The following PCDHA5 variants were observed in gnomAD, a reference collection of about 807,000 sequenced individuals.
PCDHA5 encodes the protein protocadherin alpha-5.
A neutral mutation model predicts 61.6 loss-of-function variants in PCDHA5; 43 were observed. The observed-to-expected ratio is 0.70, with a 90% CI of 0.55 to 0.90. PCDHA5 has a LOEUF of 0.90. Ranked by LOEUF, PCDHA5 falls within the 40% of genes least tolerant of loss-of-function variation. The probability of loss-of-function intolerance (pLI) is 0.00; values close to 1 mark genes in which losing one functional copy is unlikely to be tolerated. For missense variants in PCDHA5, 1,298 were observed against 1,222.7 expected, an observed-to-expected ratio of 1.06 and a Z score of -0.92; for synonymous variants, 627 against 543.9, an observed-to-expected ratio of 1.15 and a Z score of -2.13.
rs2150461572 is a variant in PCDHA5 at position 140,849,985 on chromosome 5, G to T, written c.2352+25858G>T. On this transcript the variant is annotated intron_variant, in intron 1 of 3. Transcript: ENST00000529859. Reference sequence around the variant, plus strand: ...CTGGTGTCCTACTCGCTGGTGGAGCGGCGGTTGGGCGAGCGCTCGCTGTCG... The same window carrying T: ...CTGGTGTCCTACTCGCTGGTGGAGCTGCGGTTGGGCGAGCGCTCGCTGTCG... 32 of 1,597,274 alleles carry T rather than the reference G, an allele frequency of 2.0e-5. No homozygotes were observed. In the East Asian group the frequency reaches 2.2e-4, roughly 11 times the overall value.
At chr5:140,851,193 G>GT in intron 1 of PCDHA5, 4 of 1,214,324 alleles carry the variant, frequency 3.3e-6, no homozygotes, top group Non-Finnish European at 4.2e-6. Context: ...CAATTTAGTT[G>GT]TTAGTCATTC....
At chr5:140,858,889 A>G (rs1265560651) in intron 1 of PCDHA5, 1 of 236,296 alleles carries the variant, frequency 4.2e-6, no homozygotes. Context: ...CATGTGTAGA[A>G]TATGTGTAGC....
rs868916626 is a variant in PCDHA5, at chr5:140,946,629, T to C, written c.2353-32320T>C. 3.4e-3 allele frequency among the ~76,000 whole-genome samples: 415 copies of C among 123,330 alleles called. 16 individuals carry two copies. The highest frequency in any genetic ancestry group is 0.017 in the Middle Eastern group (4 of 240). The allele number at this position is 123,330 out of a possible 152,430, so 80.9% of individuals were successfully genotyped here. On this transcript the variant is annotated intron_variant, in intron 1 of 3. Coordinates refer to ENST00000529859, the MANE Select transcript of PCDHA5 (RefSeq NM_018908.3). ...AATGTGAAATATATATATATATATATATACAATGGAATACTCATCAGCCAT... is the reference window on the plus strand; with the variant it reads ...AATGTGAAATATATATATATATATACATACAATGGAATACTCATCAGCCAT...
intron 1 of PCDHA5, among the ~76,000 whole-genome samples, chr5:140,907,844 C>T (rs1402744978): frequency 1.3e-5 from 2 of 152,218 alleles, no homozygotes; most frequent in African/African-American, 4.8e-5. Context: ...TATTAAAATC[C>T]TCCTCTGCTG....
At chr5:140,862,911 G>C (rs781861917) in intron 1 of PCDHA5, 3 of 549,326 alleles carry the variant, frequency 5.5e-6, no homozygotes. Flanking sequence ...CGCTGCTGGC[G>C]CCTTGGGTGG....
chr5:140,887,183 A>G (rs1211270850), intron 1 of PCDHA5, among the ~76,000 whole-genome samples: 2 of 147,766 alleles, frequency 1.4e-5, no homozygotes, highest in African/African-American at 5.0e-5. Flanking sequence ...TGCAAGCTCC[A>G]CCTCCCGGGT....
At chr5:140,900,712 A>G (rs1408382305) in intron 1 of PCDHA5, among the ~76,000 whole-genome samples, 2 of 152,234 alleles carry the variant, frequency 1.3e-5, no homozygotes, top group Non-Finnish European at 2.9e-5. Context: ...TTGGAAAGAA[A>G]GGAAATCCTA....
intron 1 of PCDHA5, chr5:140,871,578 G>A (rs1554165764): frequency 6.8e-7 from 1 of 1,474,340 alleles, no homozygotes; most frequent in Admixed American, 2.6e-5. Context: ...TTTTTTAAGG[G>A]AAAGTTTTAT....
chr5:140,871,272 G>A, intron 1 of PCDHA5: 2 of 1,613,942 alleles, frequency 1.2e-6, no homozygotes, highest in South Asian at 2.2e-5. Flanking sequence ...TGTGGTGGTC[G>A]GCAACGCCCA....
intron 1 of PCDHA5, among the ~76,000 whole-genome samples, chr5:140,953,196 TA>T (rs1166571162): frequency 6.6e-6 from 1 of 152,156 alleles, no homozygotes; most frequent in Non-Finnish European, 1.5e-5. Context: ...TTGATTAGAC[TA>T]AAAATGCAAA....
chr5:140,960,612 G>C (rs1467595478), intron 1 of PCDHA5, among the ~76,000 whole-genome samples: 1 of 152,110 alleles, frequency 6.6e-6, no homozygotes, highest in Non-Finnish European at 1.5e-5. Context: ...ACAATATCTA[G>C]TGTGTTTTTG....
intron 1 of PCDHA5, among the ~76,000 whole-genome samples, chr5:140,914,030 G>A (rs2076568173): frequency 1.3e-5 from 2 of 152,180 alleles, no homozygotes; most frequent in South Asian, 4.1e-4. Flanking sequence ...CACGTGCTGA[G>A]AAGAATGTGT....
intron 1 of PCDHA5, among the ~76,000 whole-genome samples, chr5:140,874,476 A>G (rs1024531291): frequency 1.1e-4 from 17 of 152,236 alleles, no homozygotes; most frequent in Non-Finnish European, 8.8e-5. Context: ...TTAGAGAAAA[A>G]GCAAAAGGTT....
At chr5:140,843,089 G>T in intron 1 of PCDHA5, 2 of 1,595,612 alleles carry the variant, frequency 1.3e-6, no homozygotes, top group Non-Finnish European at 1.7e-6. Flanking sequence ...CGCGGGCCAC[G>T]TGGTAGCGAA....
At chr5:140,828,988 G>C (rs782358243) in intron 1 of PCDHA5, 1 of 1,613,864 alleles carries the variant, frequency 6.2e-7, no homozygotes, top group African/African-American at 1.3e-5. Context: ...ATCGAAATAC[G>C]GGAGAAATAG....
intron 1 of PCDHA5, among the ~76,000 whole-genome samples, chr5:140,924,578 T>C (rs80037494): frequency 0.013 from 2,025 of 152,202 alleles, 55 homozygotes; most frequent in Admixed American, 0.052. Flanking sequence ...TTAAATGTTT[T>C]CAAATATTAT....
chr5:140,822,462 C>T lies in PCDHA5; in HGVS notation c.687C>T (p.Ile229=), dbSNP rs1325678435. Residue 229 remains isoleucine (I), a synonymous_variant, in exon 1 of 4, where the codon ATC becomes ATT. Coordinates refer to ENST00000529859, the MANE Select transcript of PCDHA5 (RefSeq NM_018908.3). ...PELTGTVQLL[I]NVLDANDNAP... is the part of the protein sequence containing the mutation. ...TAACAGGTACAGTTCAGTTGTTGAT[C>T]AATGTATTGGATGCTAATGATAACG... The T allele has an allele frequency of 1.2e-6, 2 of 1,613,398 alleles. No homozygotes were observed. Among genetic ancestry groups the T allele is most frequent in the East Asian group, 2.2e-5 (1 of 44,888 alleles).
At chr5:140,844,621 AG>A (rs1779471115) in intron 1 of PCDHA5, among the ~76,000 whole-genome samples, 1 of 149,558 alleles carries the variant, frequency 6.7e-6, no homozygotes, top group Non-Finnish European at 1.5e-5. Flanking sequence ...TGTTTTCATC[AG>A]AAAAACTATA....
Position 140,850,315 on chromosome 5 carries a change from T to G in PCDHA5, c.2352+26188T>G, listed in dbSNP as rs2150479120. 2.9e-5 allele frequency: 47 copies of G among 1,597,110 alleles called. 5 individuals are homozygous for G. Among genetic ancestry groups the G allele is most frequent in the Non-Finnish European group, 3.9e-5 (45 of 1,167,642 alleles). On this transcript the variant is annotated intron_variant, in intron 1 of 3. Coordinates refer to ENST00000529859, the MANE Select transcript of PCDHA5 (RefSeq NM_018908.3). ...GCCGACTCGGGCTACAACGCGTGGC[T>G]TTCATACGAGCTGCAGCCAGAAACG... is the stretch of plus-strand genomic sequence containing the variant.
Sources: gnomAD v4.1 joint callset for allele counts (sites outside exome capture counted in the v4.1 genomes callset) on GRCh38, gnomAD v4.1.1 for gene constraint, MANE v1.5 for transcripts, NCBI Gene and HGNC (gene_info 2026-07-23, HGNC 2026-07-21) for gene names.